Variants in CSMD3 observed in about 807,000 individuals in gnomAD.
CSMD3 encodes CUB and Sushi multiple domains 3.
Under a neutral mutation model 435.2 loss-of-function variants are expected in CSMD3, and 177 were observed. The ratio of observed to expected loss-of-function variants is 0.41; its 90% CI spans 0.36 to 0.46. The LOEUF (loss-of-function observed/expected upper bound fraction) is 0.46, where lower values mean the gene tolerates loss of function less well. Among genes scored for constraint, CSMD3 ranks in the 20% least tolerant of loss-of-function variants. The probability of loss-of-function intolerance (pLI) is 0.34; values close to 1 mark genes in which losing one functional copy is unlikely to be tolerated. For missense variants in CSMD3, 4,265 were observed against 4,504.6 expected, an observed-to-expected ratio of 0.95 and a Z score of 1.52; for synonymous variants, 1,656 against 1,520.5, an observed-to-expected ratio of 1.09 and a Z score of -2.07.
chr8:112,785,619 C>T (rs896561914), intron 13 of CSMD3, among the ~76,000 whole-genome samples: 1 of 151,824 alleles, frequency 6.6e-6, no homozygotes, highest in African/African-American at 2.4e-5. Context: ...TGCCAACAAT[C>T]TGAAAAAGCA....
intron 1 of CSMD3, among the ~76,000 whole-genome samples, chr8:113,342,104 T>C (rs1464583592): frequency 6.6e-6 from 1 of 151,194 alleles, no homozygotes; most frequent in African/African-American, 2.4e-5. Flanking sequence ...AAGAAGAAAA[T>C]TTTGATAAAT....
intron 31 of CSMD3, among the ~76,000 whole-genome samples, chr8:112,488,143 TC>T (rs1483882228): frequency 1.3e-5 from 2 of 152,176 alleles, no homozygotes; most frequent in Non-Finnish European, 2.9e-5. Context: ...AAATATAATC[TC>T]CCAGTGTCCA....
At chr8:112,230,921 A>C (rs1377894663) in intron 69 of CSMD3, among the ~76,000 whole-genome samples, 1 of 152,168 alleles carries the variant, frequency 6.6e-6, no homozygotes, top group Non-Finnish European at 1.5e-5. Flanking sequence ...ATAATGGGAG[A>C]CAGTGGATCA....
chr8:113,315,941 A>T (rs911870429), intron 1 of CSMD3, among the ~76,000 whole-genome samples: 1 of 151,270 alleles, frequency 6.6e-6, no homozygotes, highest in Non-Finnish European at 1.5e-5. Context: ...CTGCTCTCGA[A>T]CTCCTGACCT....
intron 27 of CSMD3, among the ~76,000 whole-genome samples, chr8:112,547,160 T>G (rs1827253995): frequency 6.6e-6 from 1 of 152,196 alleles, no homozygotes; most frequent in South Asian, 2.1e-4. Flanking sequence ...GCATCCTGGT[T>G]TGTGCCTATT....
intron 3 of CSMD3, among the ~76,000 whole-genome samples, chr8:113,182,326 T>C (rs979115557): frequency 2.6e-5 from 4 of 151,874 alleles, no homozygotes; most frequent in African/African-American, 7.2e-5. Context: ...CTAAGACCCA[T>C]AGAGAGGAAT....
At chr8:112,517,290 G>C in intron 27 of CSMD3, 65 bp from the exon 28 acceptor site, 1 of 1,173,770 alleles carries the variant, frequency 8.5e-7, no homozygotes, top group South Asian at 1.3e-5. Flanking sequence ...ATATATCCCT[G>C]TGTTTTAGAA....
At chr8:112,654,738 T>A (rs2075214705) in intron 18 of CSMD3, among the ~76,000 whole-genome samples, 1 of 152,248 alleles carries the variant, frequency 6.6e-6, no homozygotes, top group Non-Finnish European at 1.5e-5. Flanking sequence ...TTGTTTCATT[T>A]AATCTTTAAA....
At chr8:112,778,247 A>C (rs1423479680) in intron 13 of CSMD3, among the ~76,000 whole-genome samples, 1 of 151,928 alleles carries the variant, frequency 6.6e-6, no homozygotes, top group Non-Finnish European at 1.5e-5. Flanking sequence ...AGTTCACATT[A>C]GAATTCAGGC....
chr8:113,382,860 A>C (rs1353096791), intron 1 of CSMD3, among the ~76,000 whole-genome samples: 1 of 152,146 alleles, frequency 6.6e-6, no homozygotes, highest in Non-Finnish European at 1.5e-5. Context: ...CCAGTCCTGT[A>C]ATCCCAGCTA....
intron 1 of CSMD3, among the ~76,000 whole-genome samples, chr8:113,372,672 G>A (rs959221819): frequency 2.0e-4 from 30 of 152,202 alleles, no homozygotes; most frequent in African/African-American, 7.0e-4. Context: ...GGTGGCTCAC[G>A]CCTGTAATCC....
At chr8:112,264,406 A>G (rs16883325) in intron 60 of CSMD3, among the ~76,000 whole-genome samples, 31,770 of 151,990 alleles carry the variant, frequency 0.21, 3,767 homozygotes, top group East Asian at 0.36. Context: ...TCTTTAAGCA[A>G]AGACAGGTTG....
chr8:112,640,451 A>C (rs2074792289), intron 20 of CSMD3, among the ~76,000 whole-genome samples: 1 of 152,190 alleles, frequency 6.6e-6, no homozygotes, highest in African/African-American at 2.4e-5. Context: ...ACAGAAAATG[A>C]GACCAAAACA....
At chr8:112,963,749 A>G (rs985968397) in intron 7 of CSMD3, among the ~76,000 whole-genome samples, 1 of 151,968 alleles carries the variant, frequency 6.6e-6, no homozygotes, top group Non-Finnish European at 1.5e-5. Flanking sequence ...GAGTTAATAG[A>G]AATCTGAGAT....
At chr8:113,262,523 A>G (rs1173387768) in intron 3 of CSMD3, among the ~76,000 whole-genome samples, 1 of 152,078 alleles carries the variant, frequency 6.6e-6, no homozygotes, top group Non-Finnish European at 1.5e-5. Flanking sequence ...AAGCTATATT[A>G]CAAAAGGTGA....
chr8:113,379,697 G>C (rs919638656), intron 1 of CSMD3, among the ~76,000 whole-genome samples: 2 of 152,090 alleles, frequency 1.3e-5, no homozygotes, highest in African/African-American at 4.8e-5. Context: ...ATTTTACTTG[G>C]AAATTAATCT....
At chr8:113,325,411 T>A (rs922310467) in intron 1 of CSMD3, among the ~76,000 whole-genome samples, 1 of 152,170 alleles carries the variant, frequency 6.6e-6, no homozygotes, top group Non-Finnish European at 1.5e-5. Flanking sequence ...AGGCAGTTTA[T>A]CTGCATAAAC....
chr8:113,220,578 A>G (rs2092955202), intron 3 of CSMD3, among the ~76,000 whole-genome samples: 1 of 151,534 alleles, frequency 6.6e-6, no homozygotes, highest in Non-Finnish European at 1.5e-5. Flanking sequence ...GAAGAGAGGC[A>G]GTTCTCTTGC....
Position 113,314,867 on chromosome 8 carries a change from A to G in CSMD3, c.179-74T>C, listed in dbSNP as rs898503379. 7.5e-6 allele frequency: 8 copies of G among 1,062,046 alleles called. No homozygotes were observed. The African/African-American group carries it at 1.3e-4, about 17-fold the overall frequency. The allele number at this position is 1,062,046 out of a possible 1,614,324, so 65.8% of individuals were successfully genotyped here. The stretch of plus-strand genomic sequence containing the variant: ...CAATCCATGAGATAATATTATTTTG[A>G]AAGTCTATTGCATTTCCAAGACCAA... On this transcript the variant is annotated intron_variant, in intron 1 of 70. Coordinates refer to ENST00000297405, the MANE Select transcript of CSMD3 (RefSeq NM_198123.2).
Sources: gnomAD v4.1 joint callset for allele counts (sites outside exome capture counted in the v4.1 genomes callset) on GRCh38, gnomAD v4.1.1 for gene constraint, MANE v1.5 for transcripts, NCBI Gene and HGNC (gene_info 2026-07-23, HGNC 2026-07-21) for gene names.